ZNG1E: variants seen among roughly 807,000 people sequenced by gnomAD.
ZNG1E encodes Zn regulated GTPase metalloprotein activator 1E.
chr9:65,661,759 A>G, the ZNG1E span, among the ~76,000 whole-genome samples: 1 of 152,222 alleles, frequency 6.6e-6, no homozygotes, highest in Non-Finnish European at 1.5e-5. Context: ...GCCTAAGCTA[A>G]AGAGATTAAT....
At chr9:65,691,082 T>G in the ZNG1E span, 93 of 1,592,810 alleles carry the variant, frequency 5.8e-5, no homozygotes, top group South Asian at 1.0e-3. Flanking sequence ...GTTTTTGTTT[T>G]TTTTTTTCTG....
the ZNG1E span, among the ~76,000 whole-genome samples, chr9:65,664,262 G>A: frequency 6.6e-6 from 1 of 151,500 alleles, no homozygotes; most frequent in South Asian, 2.1e-4. Context: ...TTTTTGGGGG[G>A]GGTGATATGG....
the ZNG1E span, among the ~76,000 whole-genome samples, chr9:65,667,453 A>G: frequency 2.0e-5 from 3 of 152,290 alleles, no homozygotes; most frequent in African/African-American, 7.2e-5. Flanking sequence ...TATTTCCATA[A>G]CTGAAGTAAA....
the ZNG1E span, among the ~76,000 whole-genome samples, chr9:65,714,927 C>T: frequency 6.6e-6 from 1 of 151,666 alleles, no homozygotes; most frequent in African/African-American, 2.4e-5. Flanking sequence ...GGGCTCCACC[C>T]AGTTGGAGCT....
chr9:65,704,806 G>A, the ZNG1E span: 2 of 81,520 alleles, frequency 2.5e-5, no homozygotes, highest in East Asian at 5.7e-4. Context: ...AGCTACTCAG[G>A]AGGCTGAGGC....
At chr9:65,703,794 A>G in the ZNG1E span, 1 of 971,868 alleles carries the variant, frequency 1.0e-6, no homozygotes, top group Non-Finnish European at 1.2e-6. Flanking sequence ...GTGCTGCCAG[A>G]CTGCCATTAA....
chr9:65,679,106 G>GT, the ZNG1E span: 6 of 261,688 alleles, frequency 2.3e-5, no homozygotes, highest in South Asian at 7.5e-5. Flanking sequence ...TTCTTTATAT[G>GT]TTTTTTGTAT....
the ZNG1E span, among the ~76,000 whole-genome samples, chr9:65,678,121 G>A: frequency 6.7e-6 from 1 of 149,764 alleles, no homozygotes; most frequent in Non-Finnish European, 1.5e-5. Context: ...TCATAATATG[G>A]TTAAAAAGCC....
At chr9:65,658,234 A>G in the ZNG1E span, among the ~76,000 whole-genome samples, 1 of 152,132 alleles carries the variant, frequency 6.6e-6, no homozygotes, top group African/African-American at 2.4e-5. Context: ...GAGATATTGT[A>G]TTGCACCCAC....
the ZNG1E span, among the ~76,000 whole-genome samples, chr9:65,710,595 C>T: frequency 4.9e-4 from 75 of 152,168 alleles, 1 homozygote; most frequent in African/African-American, 1.7e-3. Flanking sequence ...TTCCCAGAAC[C>T]ATTTATTAAA....
chr9:65,722,697 A>ATTTTTGT, the ZNG1E span, among the ~76,000 whole-genome samples: 12 of 8,398 alleles, frequency 1.4e-3, no homozygotes, highest in Non-Finnish European at 1.8e-3. Flanking sequence ...TGCCTAGCTA[A>ATTTTTGT]TTTTTTTTTT....
At chr9:65,724,694 G>T in the ZNG1E span, among the ~76,000 whole-genome samples, 2 of 78,472 alleles carry the variant, frequency 2.5e-5, 1 homozygote, top group Non-Finnish European at 5.2e-5. Flanking sequence ...ATTTTGAGTT[G>T]TATTTTGCGA....
At chr9:65,662,377 G>A in the ZNG1E span, among the ~76,000 whole-genome samples, 2 of 152,234 alleles carry the variant, frequency 1.3e-5, no homozygotes, top group African/African-American at 2.4e-5. Flanking sequence ...CAGGTCTTCG[G>A]TGGGACAACT....
chr9:65,664,552 C>T, the ZNG1E span, among the ~76,000 whole-genome samples: 2 of 102,356 alleles, frequency 2.0e-5, no homozygotes, highest in Non-Finnish European at 3.9e-5. Context: ...CTTTCTTTTG[C>T]AAATTGCCCA....
chr9:65,661,976 G>GA, the ZNG1E span, among the ~76,000 whole-genome samples: 143 of 152,320 alleles, frequency 9.4e-4, no homozygotes, highest in African/African-American at 3.2e-3. Context: ...GAAAACACAA[G>GA]ACATTTACAT....
the ZNG1E span, among the ~76,000 whole-genome samples, chr9:65,663,625 A>G: frequency 6.6e-6 from 1 of 150,962 alleles, no homozygotes; most frequent in African/African-American, 2.4e-5. Context: ...CACCTTTAAA[A>G]CAATAGTGCT....
At chr9:65,665,269 G>T in the ZNG1E span, among the ~76,000 whole-genome samples, 1 of 152,268 alleles carries the variant, frequency 6.6e-6, no homozygotes, top group Non-Finnish European at 1.5e-5. Context: ...AAGTGGTTTC[G>T]TGGGCTGGGC....
chr9:65,700,813 C>G, the ZNG1E span: 1 of 144,818 alleles, frequency 6.9e-6, no homozygotes, highest in Non-Finnish European at 1.5e-5. Context: ...TGAAGTCTTC[C>G]CTGACTCAAG....
chr9:65,719,962 C>T, the ZNG1E span: 1 of 1,563,294 alleles, frequency 6.4e-7, no homozygotes, highest in Non-Finnish European at 8.7e-7. Context: ...AAAGTCACTT[C>T]ATTATCCTTG....
Sources: allele counts gnomAD v4.1 joint callset (sites outside exome capture counted in the v4.1 genomes callset), GRCh38; gene constraint gnomAD v4.1.1; transcripts MANE v1.5; gene names NCBI Gene and HGNC (gene_info 2026-07-23, HGNC 2026-07-21).